ATRNL1: variants seen among roughly 807,000 people sequenced by gnomAD.
ATRNL1 encodes the protein attractin like 1.
Under a neutral mutation model 182.7 loss-of-function variants are expected in ATRNL1, and 95 were observed. That is an observed-to-expected ratio of 0.52 (90% confidence interval 0.44 to 0.62). The LOEUF is 0.62. Ranked by LOEUF, ATRNL1 falls within the 20% of genes least tolerant of loss-of-function variation. The pLI is 0.00. For synonymous variants in ATRNL1, 576 were observed against 568.3 expected (o/e 1.01, Z -0.19); for missense variants, 1,471 against 1,679.5 (o/e 0.88, Z 2.17).
chr10:115,896,059 G>A (rs186521357), intron 28 of ATRNL1, among the ~76,000 whole-genome samples: 1 of 152,242 alleles, frequency 6.6e-6, no homozygotes, highest in East Asian at 1.9e-4. Context: ...CTGTGTTATT[G>A]TCACTGTCAT....
intron 21 of ATRNL1, among the ~76,000 whole-genome samples, chr10:115,444,302 A>G (rs782000173): frequency 6.6e-6 from 1 of 152,080 alleles, no homozygotes. Flanking sequence ...AAGGCAGTGT[A>G]GAGTTGTTTT....
At chr10:115,169,422 T>C (rs555032304) in intron 7 of ATRNL1, among the ~76,000 whole-genome samples, 1 of 152,104 alleles carries the variant, frequency 6.6e-6, no homozygotes, top group East Asian at 1.9e-4. Flanking sequence ...TTGGCCAGGC[T>C]GGTTTTGAAC....
At chr10:115,382,909 A>C (rs782152858) in intron 19 of ATRNL1, among the ~76,000 whole-genome samples, 3 of 151,878 alleles carry the variant, frequency 2.0e-5, no homozygotes, top group Admixed American at 2.0e-4. Flanking sequence ...TCAAGAGTCA[A>C]TTGTCCATAA....
chr10:115,803,346 A>C (rs1177736364), intron 27 of ATRNL1, among the ~76,000 whole-genome samples: 4 of 152,166 alleles, frequency 2.6e-5, no homozygotes, highest in African/African-American at 9.6e-5. Context: ...CATTAACACA[A>C]ATTTACAACA....
intron 24 of ATRNL1, among the ~76,000 whole-genome samples, chr10:115,486,086 T>C (rs1312412361): frequency 6.6e-6 from 1 of 152,210 alleles, no homozygotes; most frequent in Non-Finnish European, 1.5e-5. Context: ...CATCATTTTT[T>C]ATGGCTGCAT....
At chr10:115,533,983 T>C (rs1418959872) in intron 25 of ATRNL1, among the ~76,000 whole-genome samples, 1 of 145,508 alleles carries the variant, frequency 6.9e-6, no homozygotes, top group South Asian at 2.2e-4. Context: ...TTGTTATAAT[T>C]TCTCTTCTTT....
At chr10:115,388,001 G>T (rs1367655980) in intron 19 of ATRNL1, among the ~76,000 whole-genome samples, 1 of 152,098 alleles carries the variant, frequency 6.6e-6, no homozygotes, top group Non-Finnish European at 1.5e-5. Flanking sequence ...TTACCACTTT[G>T]TGTAAGGTAC....
intron 15 of ATRNL1, among the ~76,000 whole-genome samples, chr10:115,298,265 G>A (rs781989029): frequency 1.3e-5 from 2 of 152,060 alleles, no homozygotes; most frequent in African/African-American, 2.4e-5. Context: ...ATCAGAAATG[G>A]CTAATGAAAT....
At chr10:115,940,388 C>T (rs142829938) in intron 28 of ATRNL1, among the ~76,000 whole-genome samples, 368 of 152,290 alleles carry the variant, frequency 2.4e-3, no homozygotes, top group Non-Finnish European at 4.1e-3. Flanking sequence ...TGACTTCTTA[C>T]AAGTCTGACA....
intron 26 of ATRNL1, among the ~76,000 whole-genome samples, chr10:115,716,396 A>G (rs7904383): frequency 0.35 from 52,789 of 152,016 alleles, 10,587 homozygotes; most frequent in East Asian, 0.59. Context: ...TCATTTACGT[A>G]TCCAGGAAGA....
At chr10:115,475,984 T>C (rs1271876642) in intron 24 of ATRNL1, among the ~76,000 whole-genome samples, 1 of 151,416 alleles carries the variant, frequency 6.6e-6, no homozygotes, top group Non-Finnish European at 1.5e-5. Context: ...CACTCTTGTT[T>C]TACATCTTTC....
At chr10:115,228,766 C>CTT (rs35765835) in intron 9 of ATRNL1, among the ~76,000 whole-genome samples, 106 of 133,770 alleles carry the variant, frequency 7.9e-4, no homozygotes, top group Middle Eastern at 4.1e-3. Flanking sequence ...TTCTTTCTTT[C>CTT]TTTTTTTTTT....
chr10:115,716,750 A>G (rs746436963), intron 26 of ATRNL1, among the ~76,000 whole-genome samples: 25 of 152,244 alleles, frequency 1.6e-4, no homozygotes, highest in Non-Finnish European at 2.9e-4. Flanking sequence ...AGATGCTTTT[A>G]TATTTCCACT....
intron 25 of ATRNL1, among the ~76,000 whole-genome samples, chr10:115,531,685 A>G (rs1285134942): frequency 3.3e-5 from 5 of 151,162 alleles, no homozygotes; most frequent in East Asian, 3.9e-4. Flanking sequence ...TTGGTGTTTT[A>G]GACATGAAGT....
intron 28 of ATRNL1, among the ~76,000 whole-genome samples, chr10:115,901,743 GA>G (rs562327427): frequency 0.04 from 2,308 of 58,088 alleles, 38 homozygotes; most frequent in Middle Eastern, 0.082. Context: ...GAACTGAGAA[GA>G]AAAAAAAAAA....
chr10:115,484,580 T>C (rs1017063095), intron 24 of ATRNL1, among the ~76,000 whole-genome samples: 34 of 151,832 alleles, frequency 2.2e-4, no homozygotes, highest in Non-Finnish European at 3.8e-4. Flanking sequence ...TGAGTGCTTC[T>C]TTAACACCAC....
At chr10:115,741,347 G>A (rs1258289245) in intron 27 of ATRNL1, among the ~76,000 whole-genome samples, 1 of 152,084 alleles carries the variant, frequency 6.6e-6, no homozygotes, top group Non-Finnish European at 1.5e-5. Flanking sequence ...AATAGGTGAG[G>A]ATGGAGACAG....
chr10:115,510,117 T>G (rs1850315302), intron 24 of ATRNL1, among the ~76,000 whole-genome samples: 1 of 152,166 alleles, frequency 6.6e-6, no homozygotes, highest in East Asian at 1.9e-4. Flanking sequence ...ATGATAAAAC[T>G]TTATTAATGA....
At chr10:115,340,556 A>G (rs1855706552) in intron 19 of ATRNL1, among the ~76,000 whole-genome samples, 1 of 145,702 alleles carries the variant, frequency 6.9e-6, no homozygotes, top group Non-Finnish European at 1.5e-5. Flanking sequence ...TGAGTTTGGA[A>G]GTATTTCCTT....
Sources: gnomAD v4.1 joint callset for allele counts (sites outside exome capture counted in the v4.1 genomes callset) on GRCh38, gnomAD v4.1.1 for gene constraint, MANE v1.5 for transcripts, NCBI Gene and HGNC (gene_info 2026-07-23, HGNC 2026-07-21) for gene names.